The following MDN1 variants were observed in gnomAD, a reference collection of about 807,000 sequenced individuals.
MDN1 encodes midasin AAA ATPase 1.
Under a neutral mutation model 669.2 loss-of-function variants are expected in MDN1, and 266 were observed. The observed-to-expected ratio is 0.40, with a 90% confidence interval of 0.36 to 0.44. The LOEUF is 0.44. Ranked by LOEUF, MDN1 falls within the 20% of genes least tolerant of loss-of-function variation. The pLI is 1.00. For missense variants in MDN1, 5,940 were observed against 6,754.0 expected, an observed-to-expected ratio of 0.88 and a Z score of 4.22; for synonymous variants, 2,385 against 2,457.1, an observed-to-expected ratio of 0.97 and a Z score of 0.87.
chr6:89,674,719 C>T (rs1023478148), intron 78 of MDN1, 130 bp from the exon 79 acceptor site: 7 of 1,272,534 alleles, frequency 5.5e-6, no homozygotes, highest in Middle Eastern at 5.6e-4. Flanking sequence ...GGAAGAATCC[C>T]CCAGATAGGT....
intron 17 of MDN1, 106 bp from the exon 18 acceptor site, chr6:89,759,066 C>G: frequency 9.0e-7 from 1 of 1,106,960 alleles, no homozygotes; most frequent in Non-Finnish European, 1.3e-6. Context: ...CAAATCTTTC[C>G]TACTTGATGG....
intron 8 of MDN1, among the ~76,000 whole-genome samples, chr6:89,786,261 A>G (rs1002546742): frequency 1.3e-5 from 2 of 152,034 alleles, no homozygotes; most frequent in Non-Finnish European, 2.9e-5. Flanking sequence ...CGGTCTCAAA[A>G]AAAATTAATT....
rs769006638 is a variant in MDN1, at chr6:89,700,250, C to T, written c.8683G>A (p.Ala2895Thr). Residue 2895 changes from alanine to threonine, a missense_variant, in exon 57 of 102, where the codon GCC (alanine) becomes ACC (threonine). Physicochemically the swap from Ala to Thr is moderately conservative, Grantham distance 58. Transcript: ENST00000369393. ...FVHAQCLELKAKGLSLGFLEK... is the reference protein window; with the variant it reads ...FVHAQCLELKTKGLSLGFLEK... ...AGAAAACCAAGTGAGAGTCCTTTGG[C>T]TTTCAGTTCTAAACACTGAGCATGC... is the stretch of plus-strand genomic sequence containing the variant. The T allele has an allele frequency of 1.2e-6, 2 of 1,614,228 alleles. No individual in the cohort carries two copies. Among genetic ancestry groups the T allele is most frequent in the Non-Finnish European group, 8.5e-7 (1 of 1,180,028 alleles).
At chr6:89,789,162 C>T (rs1256113115) in intron 7 of MDN1, among the ~76,000 whole-genome samples, 1 of 152,020 alleles carries the variant, frequency 6.6e-6, no homozygotes, top group African/African-American at 2.4e-5. Flanking sequence ...AAACCAATCT[C>T]GGGAAAACTC....
At position 89,650,990 on chromosome 6, in the gene MDN1, A is replaced by C. The variant is rs1406297052; in HGVS notation, c.15916-143T>G. The C allele has an allele frequency of 6.6e-6, 4 of 608,800 alleles. 1 individual carries two copies. The Admixed American group carries it at 1.1e-4, about 17-fold the overall frequency. The allele number at this position is 608,800 out of a possible 1,614,324, so 37.7% of individuals were successfully genotyped here. A position where few individuals can be genotyped will look rare whatever the true frequency, so the allele number is the denominator to read the frequency against. On this transcript the variant is annotated intron_variant, in intron 95 of 101. Transcript: ENST00000369393. The stretch of plus-strand genomic sequence containing the variant: ...GAAGCACTTTAAATCTTCTCCCAGC[A>C]AGCTACCATGTAATTTACTTGATTA...
intron 63 of MDN1, among the ~76,000 whole-genome samples, chr6:89,692,142 T>C (rs1488546580): frequency 2.6e-5 from 4 of 152,150 alleles, no homozygotes; most frequent in Non-Finnish European, 1.5e-5. Context: ...TTAATGCAAG[T>C]TGACATAAGT....
intron 1 of MDN1, among the ~76,000 whole-genome samples, chr6:89,811,775 C>T (rs1768435416): frequency 6.6e-6 from 1 of 151,978 alleles, no homozygotes. Context: ...TGATTACTCC[C>T]ATAACATTCT....
intron 60 of MDN1, 106 bp downstream of exon 60, chr6:89,696,254 A>G: frequency 8.0e-7 from 1 of 1,247,682 alleles, no homozygotes; most frequent in Non-Finnish European, 1.1e-6. Flanking sequence ...CCTCACTTCA[A>G]ACACCAGAAC....
intron 76 of MDN1, among the ~76,000 whole-genome samples, chr6:89,677,034 A>T (rs866589485): frequency 6.7e-6 from 1 of 150,230 alleles, no homozygotes; most frequent in Non-Finnish European, 1.5e-5. Flanking sequence ...AAAAAAAAAA[A>T]GGGAAGAAGA....
In MDN1 at chr6:89,706,465, C is replaced by T. The variant is rs1813522868; in HGVS notation, c.8015-273G>A. 2.6e-5 allele frequency among the ~76,000 whole-genome samples: 4 copies of T among 151,896 alleles called. 1 individual carries two copies. Among genetic ancestry groups the T allele is most frequent in the Admixed American group, 2.6e-4 (4 of 15,266 alleles). The stretch of plus-strand genomic sequence containing the variant: ...CATAATGAGGTATCTTGGGGAAACA[C>T]ATAGTCCAAATTTTCTATTTTACAA... On this transcript the variant is annotated intron_variant, in intron 52 of 101. Coordinates refer to ENST00000369393, the MANE Select transcript of MDN1 (RefSeq NM_014611.3).
At chr6:89,648,549 G>A (rs983935590) in intron 97 of MDN1, among the ~76,000 whole-genome samples, 1 of 152,130 alleles carries the variant, frequency 6.6e-6, no homozygotes, top group South Asian at 2.1e-4. Context: ...TGATAGGAAT[G>A]GTCTGCTGTA....
At position 89,689,965 on chromosome 6, in the gene MDN1, G is replaced by T. The variant is rs1447303997; in HGVS notation, c.10928C>A (p.Thr3643Asn). The stretch of plus-strand genomic sequence containing the variant: ...ATGCTTTGCTTCATGTGGCGGCAGA[G>T]TCTGTTGATACCAGAGGGATCGAGC... ...NFARSLWYQQ[T>N]LPPHEAKHYL... is the part of the protein sequence containing the mutation. Residue 3643 changes from threonine to asparagine, a missense_variant, in exon 65 of 102, where the codon ACT (threonine) becomes AAT (asparagine). By Grantham distance (65) the Thr-to-Asn change is moderately conservative. This residue lies in a region of MDN1 where 2,280 missense variants were observed against 2,576.3 expected (regional missense o/e 0.88). Coordinates refer to ENST00000369393, the MANE Select transcript of MDN1 (RefSeq NM_014611.3). The T allele has an allele frequency of 1.2e-6, 2 of 1,614,246 alleles. No homozygotes were observed. Among genetic ancestry groups the T allele is most frequent in the Non-Finnish European group, 1.7e-6 (2 of 1,180,042 alleles).
chr6:89,646,655 C>T lies in MDN1; in HGVS notation c.16396-52G>A, dbSNP rs370889537. Reference sequence around the variant, plus strand: ...TAGAAAACTATGTGAATGCTCTTCTCATTGTCAAAGAGACTGATAGTATTT... The same window carrying T: ...TAGAAAACTATGTGAATGCTCTTCTTATTGTCAAAGAGACTGATAGTATTT... On this transcript the variant is annotated intron_variant, in intron 99 of 101. Coordinates refer to ENST00000369393, the MANE Select transcript of MDN1 (RefSeq NM_014611.3). 11 of 1,475,752 alleles carry T rather than the reference C, an allele frequency of 7.5e-6. No individual in the cohort carries two copies. In the African/African-American group the frequency reaches 1.2e-4, roughly 17 times the overall value. 91.4% of individuals were successfully genotyped at this position (1,475,752 alleles called of 1,614,324 possible).
At chr6:89,688,461 C>A in intron 66 of MDN1, 112 bp downstream of exon 66, 2 of 947,088 alleles carry the variant, frequency 2.1e-6, no homozygotes, top group Non-Finnish European at 1.6e-6. Flanking sequence ...TTCTTTAAGC[C>A]TTTGTTTATA....
chr6:89,727,525 G>A, intron 37 of MDN1, among the ~76,000 whole-genome samples: 1 of 152,098 alleles, frequency 6.6e-6, no homozygotes, highest in South Asian at 2.1e-4. Flanking sequence ...TTTATAAAAT[G>A]CCTCTAAAAT....
rs1163342917 is a variant in MDN1 at position 89,819,579 on chromosome 6, G to T, written c.29C>A (p.Ala10Asp). 6.2e-7 allele frequency: 1 copy of T among 1,602,754 alleles called. No homozygotes were observed. The highest frequency in any genetic ancestry group is 8.5e-7 in the Non-Finnish European group (1 of 1,179,960). ...GGCTGCGATTAACCGCAGCGGCGCG[G>T]CTGCCACCTCCAGCAAGAAGTGCTC... MEHFLLEVAAAPLRLIAAKN... is the reference protein window; with the variant it reads MEHFLLEVADAPLRLIAAKN... Residue 10 changes from alanine to aspartate, a missense_variant, in exon 1 of 102, where the codon GCC becomes GAC. Transcript: ENST00000369393.
chr6:89,756,938 AC>A (rs1817284889), intron 19 of MDN1, among the ~76,000 whole-genome samples: 1 of 151,964 alleles, frequency 6.6e-6, no homozygotes, highest in African/African-American at 2.4e-5. Context: ...AAAAAAAGAT[AC>A]AAAAATAAGA....
chr6:89,795,870 G>A (rs1224483108), intron 2 of MDN1, among the ~76,000 whole-genome samples: 13 of 151,838 alleles, frequency 8.6e-5, no homozygotes, highest in African/African-American at 2.9e-4. Flanking sequence ...CGGGAGAATC[G>A]CTTGAACCCG....
At chr6:89,813,617 G>A (rs369274904) in intron 1 of MDN1, among the ~76,000 whole-genome samples, 6 of 151,672 alleles carry the variant, frequency 4.0e-5, no homozygotes, top group African/African-American at 1.2e-4. Context: ...TGTTGTCCCA[G>A]CTACTCAGAA....
Sources: gnomAD v4.1 joint callset for allele counts (sites outside exome capture counted in the v4.1 genomes callset) on GRCh38, gnomAD v4.1.1 for gene constraint, gnomAD v4.1.1 regional missense constraint, MANE v1.5 for transcripts, NCBI Gene and HGNC (gene_info 2026-07-23, HGNC 2026-07-21) for gene names.